Variants in NREP observed in about 807,000 individuals in gnomAD.
NREP encodes the protein neuronal regeneration related protein.
Under a neutral mutation model 8.6 loss-of-function variants are expected in NREP, and 5 were observed. The observed-to-expected ratio is 0.58, with a 90% CI of 0.30 to 1.22. NREP has a LOEUF of 1.22. Among genes scored for constraint, NREP ranks in the 50% most tolerant of loss-of-function variants. NREP has a pLI of 0.07. For synonymous variants in NREP, 27 were observed against 28.0 expected (o/e 0.96, Z 0.11); for missense variants, 86 against 82.5 (o/e 1.04, Z -0.17).
At chr5:111,970,602 G>T (rs1315271524) in intron 2 of NREP, among the ~76,000 whole-genome samples, 1 of 151,980 alleles carries the variant, frequency 6.6e-6, no homozygotes, top group Non-Finnish European at 1.5e-5. Context: ...GAGGCGGGTG[G>T]ATCACTTGAG....
intron 2 of NREP, among the ~76,000 whole-genome samples, chr5:111,804,726 G>A (rs375186927): frequency 2.0e-5 from 3 of 152,012 alleles, no homozygotes; most frequent in Admixed American, 1.3e-4. Context: ...AACAGAGCCC[G>A]CGCAGTGGCT....
intron 2 of NREP, among the ~76,000 whole-genome samples, chr5:111,884,851 A>C (rs1397038756): frequency 2.0e-5 from 3 of 152,208 alleles, no homozygotes; most frequent in African/African-American, 7.2e-5. Context: ...ATCTATGACA[A>C]ACCCACAGCC....
chr5:111,750,342 T>C (rs1156377967), intron 2 of NREP, among the ~76,000 whole-genome samples: 1 of 152,210 alleles, frequency 6.6e-6, no homozygotes, highest in Non-Finnish European at 1.5e-5. Context: ...AATAAAAGCA[T>C]AGTACTTACT....
chr5:111,790,416 G>A (rs1262242725), intron 2 of NREP, among the ~76,000 whole-genome samples: 1 of 93,600 alleles, frequency 1.1e-5, no homozygotes, highest in Non-Finnish European at 1.9e-5. Flanking sequence ...CTCTTCTAGA[G>A]ATTTGTCTTA....
intron 2 of NREP, among the ~76,000 whole-genome samples, chr5:111,961,432 T>A (rs150278262): frequency 6.7e-4 from 102 of 152,286 alleles, no homozygotes; most frequent in African/African-American, 2.4e-3. Flanking sequence ...CTTCCTTAAT[T>A]TGACAATAAA....
intron 2 of NREP, among the ~76,000 whole-genome samples, chr5:111,941,269 T>G (rs1383101448): frequency 6.6e-6 from 1 of 152,112 alleles, no homozygotes; most frequent in African/African-American, 2.4e-5. Flanking sequence ...GTATAAAACC[T>G]GGGTGAAAGC....
At chr5:111,770,846 A>G (rs1327790479) in intron 2 of NREP, among the ~76,000 whole-genome samples, 1 of 152,050 alleles carries the variant, frequency 6.6e-6, no homozygotes, top group African/African-American at 2.4e-5. Context: ...CTGGGACTAC[A>G]GGTGTGAGCC....
intron 2 of NREP, among the ~76,000 whole-genome samples, chr5:111,876,336 T>C (rs1219397829): frequency 6.6e-6 from 1 of 152,220 alleles, no homozygotes; most frequent in African/African-American, 2.4e-5. Flanking sequence ...TCCGCCTAAA[T>C]AATTTCCTTC....
At chr5:111,743,914 T>A (rs1157023324) in intron 2 of NREP, among the ~76,000 whole-genome samples, 2 of 152,074 alleles carry the variant, frequency 1.3e-5, no homozygotes, top group African/African-American at 2.4e-5. Flanking sequence ...CTTATGAAAA[T>A]TTTCCCCCAA....
intron 2 of NREP, among the ~76,000 whole-genome samples, chr5:111,751,504 A>T (rs1311328057): frequency 6.6e-6 from 1 of 152,232 alleles, no homozygotes; most frequent in Non-Finnish European, 1.5e-5. Flanking sequence ...CTTAGCAATC[A>T]TAATTTCTAC....
At chr5:111,772,247 T>C (rs746219495) in intron 2 of NREP, among the ~76,000 whole-genome samples, 2 of 152,180 alleles carry the variant, frequency 1.3e-5, no homozygotes, top group African/African-American at 2.4e-5. Flanking sequence ...TCAATCACAG[T>C]ATATTTGGCC....
chr5:111,826,177 T>C (rs1458813218), intron 2 of NREP, among the ~76,000 whole-genome samples: 1 of 152,142 alleles, frequency 6.6e-6, no homozygotes, highest in Non-Finnish European at 1.5e-5. Context: ...CAGTGCTTTG[T>C]GTCTAGCTAA....
upstream of NREP, chr5:111,758,091 A>G (rs1750851270): frequency 5.1e-6 from 5 of 985,484 alleles, no homozygotes; most frequent in Non-Finnish European, 6.0e-6. Flanking sequence ...CGAAGGATGC[A>G]TTTGCACACG....
At chr5:111,746,335 T>C (rs1750000988) in intron 2 of NREP, among the ~76,000 whole-genome samples, 1 of 151,912 alleles carries the variant, frequency 6.6e-6, no homozygotes, top group Non-Finnish European at 1.5e-5. Flanking sequence ...TCAAAACAAT[T>C]TAAGATTCTA....
At chr5:111,804,023 T>C (rs974793588) in intron 2 of NREP, among the ~76,000 whole-genome samples, 1 of 152,172 alleles carries the variant, frequency 6.6e-6, no homozygotes, top group Non-Finnish European at 1.5e-5. Flanking sequence ...ATCTAACAAG[T>C]TGATTCCAAA....
rs565235662 is a variant in NREP, at chr5:111,892,830, C to A, written c.135+82444G>T. ...GCACTGGTTTATGCTTCCATAAACC[C>A]TACGAAAATTTGGGTTTCTTAGGAT... is the stretch of plus-strand genomic sequence containing the variant. On this transcript the variant is annotated intron_variant, in intron 2 of 3. Transcript: ENST00000395634. Among the ~76,000 whole-genome samples the A allele has an allele frequency of 2.6e-5, 4 of 152,150 alleles. No individual in the cohort carries two copies. The East Asian group carries it at 7.7e-4, about 29-fold the overall frequency.
chr5:111,786,016 T>C (rs1751601659), intron 2 of NREP, among the ~76,000 whole-genome samples: 1 of 152,322 alleles, frequency 6.6e-6, no homozygotes, highest in Non-Finnish European at 1.5e-5. Context: ...GAAAAGGCTT[T>C]AAAGGCCACA....
intron 2 of NREP, among the ~76,000 whole-genome samples, chr5:111,945,979 C>A (rs539570963): frequency 6.6e-6 from 1 of 151,926 alleles, no homozygotes; most frequent in South Asian, 2.1e-4. Context: ...AGACCCAGGA[C>A]ACATTGCCAT....
intron 2 of NREP, among the ~76,000 whole-genome samples, chr5:111,867,843 CA>C (rs1469204409): frequency 6.6e-6 from 1 of 151,814 alleles, no homozygotes; most frequent in Non-Finnish European, 1.5e-5. Flanking sequence ...ATTTATATAA[CA>C]AAAATTACCA....
Sources: gnomAD v4.1 joint callset for allele counts (sites outside exome capture counted in the v4.1 genomes callset) on GRCh38, gnomAD v4.1.1 for gene constraint, MANE v1.5 for transcripts, NCBI Gene and HGNC (gene_info 2026-07-23, HGNC 2026-07-21) for gene names.